Variants in PIKFYVE observed in about 807,000 individuals in gnomAD.
The protein encoded by PIKFYVE is phosphoinositide kinase, FYVE-type zinc finger containing, also known as 1-phosphatidylinositol 3-phosphate 5-kinase.
In PIKFYVE, 122 loss-of-function variants were observed where a neutral mutation model predicts 257.9. The observed-to-expected ratio is 0.47, with a 90% CI of 0.41 to 0.55. PIKFYVE has a LOEUF of 0.55. Among genes scored for constraint, PIKFYVE ranks in the 20% least tolerant of loss-of-function variants. The pLI, the probability that PIKFYVE is intolerant of heterozygous loss-of-function variation, is 0.00. For synonymous variants in PIKFYVE, 892 were observed against 868.9 expected, an observed-to-expected ratio of 1.03 and a Z score of -0.47; for missense variants, 2,160 against 2,536.6, an observed-to-expected ratio of 0.85 and a Z score of 3.19.
intron 34 of PIKFYVE, among the ~76,000 whole-genome samples, chr2:208,347,460 T>C (rs1156481176): frequency 6.6e-6 from 1 of 152,222 alleles, no homozygotes; most frequent in Admixed American, 6.5e-5. Context: ...GAAATTGTTT[T>C]GTGTTCATTT....
At chr2:208,267,502 G>GTTTTTTTTT (rs376773052) in intron 1 of PIKFYVE, among the ~76,000 whole-genome samples, 2 of 109,130 alleles carry the variant, frequency 1.8e-5, no homozygotes, top group African/African-American at 7.6e-5. Flanking sequence ...TACATTGCCA[G>GTTTTTTTTT]TTTTTTTTTT....
intron 1 of PIKFYVE, chr2:208,269,674 G>GC: frequency 4.0e-6 from 1 of 249,244 alleles, no homozygotes. Context: ...CTGGTCCAGG[G>GC]CCCCCATCAT....
chr2:208,327,037 G>A (rs6435446), intron 20 of PIKFYVE, among the ~76,000 whole-genome samples: 141,659 of 152,212 alleles, frequency 0.93, 66,437 homozygotes, highest in Non-Finnish European at 0.98. Flanking sequence ...AATAAAACGA[G>A]AAGATGTCCA....
chr2:208,321,703 G>C (rs773205557), intron 17 of PIKFYVE, among the ~76,000 whole-genome samples: 2 of 151,480 alleles, frequency 1.3e-5, no homozygotes, highest in African/African-American at 2.4e-5. Flanking sequence ...TCAGCCTCTC[G>C]AGTAGCTGGG....
intron 34 of PIKFYVE, among the ~76,000 whole-genome samples, chr2:208,347,254 T>C (rs1049026103): frequency 1.4e-4 from 21 of 152,220 alleles, no homozygotes; most frequent in Non-Finnish European, 2.2e-4. Context: ...ATTAGAATCA[T>C]ATTAATAGTA....
rs1688612844 is a variant in PIKFYVE, at chr2:208,266,292, TGCC to T, written c.-130_-128del. On this transcript the variant is annotated 5_prime_UTR_variant, in exon 1 of 42. Transcript: ENST00000264380. ...CAACCATGTAAGCAGCTTCGCTTCCTGCCGCAACCGTCCGCGGCCTGAGGAGCC... is the reference window on the plus strand; with the variant it reads ...CAACCATGTAAGCAGCTTCGCTTCCTGCAACCGTCCGCGGCCTGAGGAGCC... 6.6e-6 allele frequency: 1 copy of T among 151,754 alleles called. No individual in the cohort carries two copies. Among genetic ancestry groups the T allele is most frequent in the African/African-American group, 2.4e-5 (1 of 41,200 alleles). The allele number at this position is 151,754 out of a possible 1,614,324, so 9.4% of individuals were successfully genotyped here.
At chr2:208,267,329 G>A (rs903955811) in intron 1 of PIKFYVE, among the ~76,000 whole-genome samples, 1 of 152,032 alleles carries the variant, frequency 6.6e-6, no homozygotes, top group Non-Finnish European at 1.5e-5. Flanking sequence ...AGATTGTGTA[G>A]GTTAAATCTC....
intron 6 of PIKFYVE, among the ~76,000 whole-genome samples, chr2:208,286,462 A>G (rs1436055163): frequency 6.6e-6 from 1 of 152,066 alleles, no homozygotes; most frequent in Non-Finnish European, 1.5e-5. Flanking sequence ...TTGGTAGTAG[A>G]GGGTGCTAAC....
At chr2:208,333,622 G>GTCTGGTCCTCTGCATTTAT in intron 24 of PIKFYVE, 129 bp downstream of exon 24, 1 of 988,916 alleles carries the variant, frequency 1.0e-6, no homozygotes, top group Non-Finnish European at 1.5e-6. Flanking sequence ...TATAAATGCA[G>GTCTGGTCCTCTGCATTTAT]AGGACCAGAC....
chr2:208,300,131 A>G (rs148709584), intron 8 of PIKFYVE, among the ~76,000 whole-genome samples: 119 of 152,368 alleles, frequency 7.8e-4, no homozygotes, highest in African/African-American at 2.5e-3. Flanking sequence ...AAAAGTGTCA[A>G]ATAAATAAAT....
intron 7 of PIKFYVE, among the ~76,000 whole-genome samples, chr2:208,293,424 T>C (rs1692568848): frequency 6.6e-6 from 1 of 152,204 alleles, no homozygotes; most frequent in Middle Eastern, 3.2e-3. Context: ...ACCTATATCA[T>C]ATTCCTTCTC....
At chr2:208,354,372 T>G (rs1471099635) in intron 40 of PIKFYVE, among the ~76,000 whole-genome samples, 199 bp from the exon 41 acceptor site, 1 of 152,220 alleles carries the variant, frequency 6.6e-6, no homozygotes, top group African/African-American at 2.4e-5. Context: ...AAAAGTCACT[T>G]ATAAATGAGG....
intron 39 of PIKFYVE, 139 bp downstream of exon 39, chr2:208,352,921 T>C (rs953043805): frequency 9.2e-7 from 1 of 1,091,530 alleles, no homozygotes. Flanking sequence ...ATTTAACTTT[T>C]GACTTGCTCA....
At chr2:208,302,094 T>C (rs1693762562) in intron 9 of PIKFYVE, 148 bp from the exon 10 acceptor site, 3 of 685,634 alleles carry the variant, frequency 4.4e-6, no homozygotes, top group Non-Finnish European at 7.7e-6. Flanking sequence ...TTTAACTCTC[T>C]CGTTTCGTCC....
At chr2:208,317,581 T>C (rs2125493996) in intron 15 of PIKFYVE, among the ~76,000 whole-genome samples, 1 of 152,326 alleles carries the variant, frequency 6.6e-6, no homozygotes, top group South Asian at 2.1e-4. Context: ...CCCTATGATA[T>C]TTAACTTAAA....
chr2:208,336,714 A>G, intron 27 of PIKFYVE, 124 bp from the exon 28 acceptor site: 1 of 617,390 alleles, frequency 1.6e-6, no homozygotes, highest in Non-Finnish European at 2.9e-6. Context: ...ATAACTTTAA[A>G]GACTATGGTA....
intron 7 of PIKFYVE, among the ~76,000 whole-genome samples, chr2:208,298,283 C>G (rs1693238855): frequency 6.6e-6 from 1 of 152,080 alleles, no homozygotes; most frequent in Non-Finnish European, 1.5e-5. Context: ...AGCATTTTAA[C>G]AAGAAGACTT....
chr2:208,287,193 G>A (rs539784454), intron 6 of PIKFYVE, among the ~76,000 whole-genome samples: 1 of 151,940 alleles, frequency 6.6e-6, no homozygotes, highest in South Asian at 2.1e-4. Context: ...TATAACAGTG[G>A]TTTCACTGAG....
Position 208,350,084 on chromosome 2 carries a change from G to GT in PIKFYVE, c.5434+2dup, listed in dbSNP as rs1314326295. 6.2e-7 allele frequency: 1 copy of GT among 1,612,286 alleles called. No homozygotes were observed. Among genetic ancestry groups the GT allele is most frequent in the African/African-American group, 1.3e-5 (1 of 74,856 alleles). ...CTCATAAATCCTCATGTGGAACTTC[G>GT]TAAGTATGAGATATTATATCATTGG... On this transcript the variant is annotated splice_donor_variant, in intron 36 of 41. Coordinates refer to ENST00000264380, the MANE Select transcript of PIKFYVE (RefSeq NM_015040.4). LOFTEE classifies it high-confidence loss of function.
Sources: gnomAD v4.1 joint callset for allele counts (sites outside exome capture counted in the v4.1 genomes callset) on GRCh38, gnomAD v4.1.1 for gene constraint, MANE v1.5 for transcripts, NCBI Gene and HGNC (gene_info 2026-07-23, HGNC 2026-07-21) for gene names.